The following PCDHGB2 variants were observed in gnomAD, a reference collection of about 807,000 sequenced individuals.
PCDHGB2 encodes protocadherin gamma-B2.
A neutral mutation model predicts 59.3 loss-of-function variants in PCDHGB2; 55 were observed. That is an observed-to-expected ratio of 0.93 (90% CI 0.75 to 1.16). The LOEUF (loss-of-function observed/expected upper bound fraction) is 1.16, where lower values mean the gene tolerates loss of function less well. Among genes scored for constraint, PCDHGB2 ranks in the 50% most tolerant of loss-of-function variants. PCDHGB2 has a pLI of 0.00. For synonymous variants in PCDHGB2, 516 were observed against 512.0 expected (o/e 1.01, Z -0.11); for missense variants, 1,228 against 1,198.5 (o/e 1.02, Z -0.36).
rs1386460009 is a variant in PCDHGB2 at position 141,390,018 on chromosome 5, C to T, written c.2421+27462C>T. On this transcript the variant is annotated intron_variant, in intron 1 of 3. Transcript: ENST00000522605. ...GGCCATGATTCTGGCCATTGCCTTG[C>T]GCCTGCGACGCTCCTCCAGCCCCGC... is the stretch of plus-strand genomic sequence containing the variant. The T allele has an allele frequency of 6.2e-7, 1 of 1,614,062 alleles. No individual in the cohort carries two copies. Among genetic ancestry groups the T allele is most frequent in the South Asian group, 1.1e-5 (1 of 91,078 alleles).
chr5:141,429,672 A>G (rs1036863132), intron 1 of PCDHGB2, among the ~76,000 whole-genome samples: 1 of 152,210 alleles, frequency 6.6e-6, no homozygotes, highest in African/African-American at 2.4e-5. Context: ...ATATTATTTT[A>G]TTTTATGCCT....
chr5:141,375,040 T>C (rs1771075321), intron 1 of PCDHGB2: 4 of 1,614,056 alleles, frequency 2.5e-6, no homozygotes, highest in Non-Finnish European at 3.4e-6. Flanking sequence ...AGCTGGGTGT[T>C]GAAGCCCGGG....
intron 1 of PCDHGB2, chr5:141,433,110 G>T (rs1031253372): frequency 1.2e-6 from 2 of 1,614,098 alleles, no homozygotes; most frequent in East Asian, 4.5e-5. Context: ...AGCCAGGAGA[G>T]CTTTGAAAAA....
intron 1 of PCDHGB2, chr5:141,408,696 A>G (rs768439069): frequency 6.2e-7 from 1 of 1,613,648 alleles, no homozygotes; most frequent in East Asian, 2.2e-5. Context: ...ATAAACATAA[A>G]CTCAATTAAA....
intron 1 of PCDHGB2, chr5:141,364,964 C>T: frequency 6.2e-7 from 1 of 1,613,938 alleles, no homozygotes; most frequent in Non-Finnish European, 8.5e-7. Context: ...CGACCTCCTC[C>T]TCACAGCTTT....
In PCDHGB2 at chr5:141,395,543, TG is replaced by T. The variant is rs1247307480; in HGVS notation, c.2421+32988del. 6.3e-3 allele frequency: 52 copies of T among 8,206 alleles called. 1 individual carries two copies. The highest frequency in any genetic ancestry group is 0.048 in the African/African-American group (46 of 952). 0.5% of individuals were successfully genotyped at this position (8,206 alleles called of 1,614,324 possible). On this transcript the variant is annotated intron_variant, in intron 1 of 3. Coordinates refer to ENST00000522605, the MANE Select transcript of PCDHGB2 (RefSeq NM_018923.3). ...CCATACTGGTAATTTTGCTATTGTT[TG>T]TGTGTGTGTGTGTGTGTGTGTGTGT...
At chr5:141,439,412 T>G (rs2098111019) in intron 1 of PCDHGB2, among the ~76,000 whole-genome samples, 1 of 152,194 alleles carries the variant, frequency 6.6e-6, no homozygotes, top group Admixed American at 6.5e-5. Flanking sequence ...CTAACATCAC[T>G]GAGGTTATAA....
chr5:141,451,978 T>A (rs1329730658), intron 1 of PCDHGB2, among the ~76,000 whole-genome samples: 1 of 152,188 alleles, frequency 6.6e-6, no homozygotes, highest in Non-Finnish European at 1.5e-5. Flanking sequence ...TTTGCTGTAG[T>A]TTGTTCATTA....
chr5:141,392,822 T>C (rs1234169256), intron 1 of PCDHGB2: 1 of 1,595,210 alleles, frequency 6.3e-7, no homozygotes, highest in East Asian at 2.2e-5. Context: ...CAATGGCCGC[T>C]CCACAGAGTC....
Position 141,489,068 on chromosome 5 carries a change from G to GC in PCDHGB2, c.2422-5736dup. ...CTCAAATTCAGCTCCCCTCCCCCCT[G>GC]CCCACCCCCGCCACTCGGTGACTAA... On this transcript the variant is annotated intron_variant, in intron 1 of 3. Transcript: ENST00000522605. The surrounding 1 kb of genome is among the most constrained non-coding windows in gnomAD (Gnocchi z 4.5). 3 of 291,558 alleles carry GC rather than the reference G, an allele frequency of 1.0e-5. No homozygotes were observed. Among genetic ancestry groups the GC allele is most frequent in the Admixed American group, 5.4e-5 (1 of 18,530 alleles). 18.1% of individuals were successfully genotyped at this position (291,558 alleles called of 1,614,324 possible).
In PCDHGB2 at chr5:141,362,172, G is replaced by T. The variant is rs576630104; in HGVS notation, c.2037G>T (p.Arg679=). Residue 679 remains arginine (R), a synonymous_variant, in exon 1 of 4, where the codon CGG becomes CGT. Coordinates refer to ENST00000522605, the MANE Select transcript of PCDHGB2 (RefSeq NM_018923.3). ...QEVLPDLSDR[R]EPSDPQAKLQ... ...TATTGCCAGACCTCAGCGACCGCCGGGAGCCCTCTGACCCCCAGGCAAAAC... is the reference window on the plus strand; with the variant it reads ...TATTGCCAGACCTCAGCGACCGCCGTGAGCCCTCTGACCCCCAGGCAAAAC... 108 of 1,613,978 alleles carry T rather than the reference G, an allele frequency of 6.7e-5. No homozygotes were observed. The highest frequency in any genetic ancestry group is 4.9e-4 in the Middle Eastern group (3 of 6,062).
At chr5:141,436,632 G>T (rs763510513) in intron 1 of PCDHGB2, among the ~76,000 whole-genome samples, 2 of 152,130 alleles carry the variant, frequency 1.3e-5, no homozygotes, top group Non-Finnish European at 2.9e-5. Context: ...TTCACAACAT[G>T]CAATTAATTA....
chr5:141,433,883 G>A (rs1051019240), intron 1 of PCDHGB2, among the ~76,000 whole-genome samples: 1 of 149,932 alleles, frequency 6.7e-6, no homozygotes, highest in Non-Finnish European at 1.5e-5. Flanking sequence ...ATCCATTGAT[G>A]ACACTTGCTT....
chr5:141,422,568 C>T (rs372115955), intron 1 of PCDHGB2: 91 of 1,613,904 alleles, frequency 5.6e-5, no homozygotes, highest in Non-Finnish European at 7.5e-5. Flanking sequence ...CAGATGACAA[C>T]GATAACCCTC....
intron 1 of PCDHGB2, chr5:141,389,855 G>T: frequency 6.2e-7 from 1 of 1,614,060 alleles, no homozygotes; most frequent in Non-Finnish European, 8.5e-7. Context: ...CCACTGCCAC[G>T]TTGCACCTGG....
intron 1 of PCDHGB2, chr5:141,409,339 T>G: frequency 6.2e-7 from 1 of 1,613,954 alleles, no homozygotes; most frequent in South Asian, 1.1e-5. Context: ...TCGGAGGAAA[T>G]GGAGAAGTCA....
chr5:141,389,991 G>T (rs561094692), intron 1 of PCDHGB2: 2 of 1,614,016 alleles, frequency 1.2e-6, no homozygotes, highest in African/African-American at 2.7e-5. Flanking sequence ...GCTCTTCCTC[G>T]TGGCCATGAT....
At chr5:141,430,986 C>G (rs549700048) in intron 1 of PCDHGB2, 1 of 1,613,762 alleles carries the variant, frequency 6.2e-7, no homozygotes, top group African/African-American at 1.3e-5. Context: ...CAGCTTTTCG[C>G]CCTGAATCCG....
intron 1 of PCDHGB2, chr5:141,409,668 A>G: frequency 6.2e-7 from 1 of 1,613,398 alleles, no homozygotes; most frequent in Non-Finnish European, 8.5e-7. Context: ...CACATCTCCT[A>G]CTCTATAGTG....
Sources: gnomAD v4.1 joint callset for allele counts (sites outside exome capture counted in the v4.1 genomes callset) on GRCh38, gnomAD v4.1.1 for gene constraint, Gnocchi (gnomAD v3.1) non-coding constraint, MANE v1.5 for transcripts, NCBI Gene and HGNC (gene_info 2026-07-23, HGNC 2026-07-21) for gene names.